The following DSCAM variants were observed in gnomAD, a reference collection of about 807,000 sequenced individuals.
DSCAM encodes the protein DS cell adhesion molecule.
Under a neutral mutation model 217.7 loss-of-function variants are expected in DSCAM, and 47 were observed. The ratio of observed to expected loss-of-function variants is 0.22; its 90% CI spans 0.17 to 0.28. DSCAM has a LOEUF of 0.28. Among genes scored for constraint, DSCAM ranks in the 10% least tolerant of loss-of-function variants. The pLI is 1.00. For missense variants in DSCAM, 2,080 were observed against 2,618.3 expected (o/e 0.79, Z 4.49); for synonymous variants, 1,056 against 1,015.3 (o/e 1.04, Z -0.76).
chr21:40,174,797 T>C (rs1315863639), intron 15 of DSCAM, among the ~76,000 whole-genome samples: 6 of 152,178 alleles, frequency 3.9e-5, no homozygotes, highest in African/African-American at 1.4e-4. Flanking sequence ...AATTTAAAAG[T>C]TTCGCACAAC....
intron 3 of DSCAM, among the ~76,000 whole-genome samples, chr21:40,613,895 A>C (rs1470801696): frequency 6.6e-6 from 1 of 152,230 alleles, no homozygotes; most frequent in African/African-American, 2.4e-5. Flanking sequence ...CTTGTATTTA[A>C]CAAATATGGG....
intron 3 of DSCAM, among the ~76,000 whole-genome samples, chr21:40,388,107 A>G (rs2075102926): frequency 6.7e-6 from 1 of 149,914 alleles, no homozygotes; most frequent in Non-Finnish European, 1.5e-5. Flanking sequence ...AATATTTGGG[A>G]AAACAATTTG....
At chr21:40,380,829 C>T (rs1183866059) in intron 3 of DSCAM, among the ~76,000 whole-genome samples, 15 of 151,904 alleles carry the variant, frequency 9.9e-5, no homozygotes, top group East Asian at 7.8e-4. Flanking sequence ...TTTGGGAGGC[C>T]GAGGCGGGCG....
chr21:40,069,886 T>TA (rs938416648), intron 27 of DSCAM, among the ~76,000 whole-genome samples: 2 of 151,924 alleles, frequency 1.3e-5, no homozygotes, highest in African/African-American at 4.8e-5. Flanking sequence ...AGACATATAT[T>TA]AAAAAAAGAA....
intron 1 of DSCAM, among the ~76,000 whole-genome samples, chr21:40,767,293 A>G (rs746911263): frequency 6.6e-5 from 10 of 152,152 alleles, no homozygotes; most frequent in Non-Finnish European, 1.3e-4. Context: ...TCAATCTGAA[A>G]TAAGGGTCGT....
intron 11 of DSCAM, among the ~76,000 whole-genome samples, chr21:40,244,693 T>A (rs147735640): frequency 1.3e-5 from 2 of 152,068 alleles, no homozygotes; most frequent in South Asian, 4.1e-4. Context: ...AGGTAGGTAG[T>A]TAGGAGCTCT....
intron 11 of DSCAM, among the ~76,000 whole-genome samples, chr21:40,210,515 A>G (rs1382772787): frequency 6.6e-6 from 1 of 152,170 alleles, no homozygotes; most frequent in East Asian, 1.9e-4. Flanking sequence ...AGTTAACATT[A>G]TCCAGTAGAC....
chr21:40,131,749 C>T (rs1221044566), intron 19 of DSCAM, among the ~76,000 whole-genome samples: 2 of 152,142 alleles, frequency 1.3e-5, no homozygotes, highest in Non-Finnish European at 2.9e-5. Context: ...TGTCCCATAC[C>T]ACCAGCAAAA....
chr21:40,236,663 C>T (rs2073084074), intron 11 of DSCAM, among the ~76,000 whole-genome samples: 2 of 152,072 alleles, frequency 1.3e-5, no homozygotes, highest in Admixed American at 1.3e-4. Context: ...GGCATTAGTT[C>T]CCTCATCTTT....
chr21:40,380,186 C>T (rs2075005767), intron 3 of DSCAM, among the ~76,000 whole-genome samples: 1 of 152,198 alleles, frequency 6.6e-6, no homozygotes, highest in Non-Finnish European at 1.5e-5. Flanking sequence ...CAACTGTATA[C>T]CTAATTACCC....
At chr21:40,398,637 C>CTTTT (rs538905441) in intron 3 of DSCAM, among the ~76,000 whole-genome samples, 3 of 132,104 alleles carry the variant, frequency 2.3e-5, no homozygotes, top group Non-Finnish European at 3.2e-5. Flanking sequence ...TTTTTTCTTT[C>CTTTT]TTTTTTTTTT....
chr21:40,546,960 A>G (rs1185059660), intron 3 of DSCAM, among the ~76,000 whole-genome samples: 1 of 152,030 alleles, frequency 6.6e-6, no homozygotes, highest in East Asian at 1.9e-4. Flanking sequence ...GATACCCCCC[A>G]GTTATTGGGG....
chr21:40,840,022 A>G (rs993389187), intron 1 of DSCAM, among the ~76,000 whole-genome samples: 6 of 152,204 alleles, frequency 3.9e-5, no homozygotes, highest in Non-Finnish European at 5.9e-5. Context: ...CAGTTGCATG[A>G]TTTTTAAAAA....
Position 40,350,877 on chromosome 21 carries a change from C to CTTTTTTTTT in DSCAM, c.934+2579_934+2587dup, listed in dbSNP as rs10658416. 4.9e-4 allele frequency among the ~76,000 whole-genome samples: 31 copies of CTTTTTTTTT among 63,876 alleles called. 5 individuals carry two copies. The highest frequency in any genetic ancestry group is 1.8e-3 in the African/African-American group (28 of 15,416). 41.9% of individuals were successfully genotyped at this position (63,876 alleles called of 152,430 possible). A position where few individuals can be genotyped will look rare whatever the true frequency, so the allele number is the denominator to read the frequency against. The stretch of plus-strand genomic sequence containing the variant: ...AAAAGTGTTTAGCAAATAAGTCATA[C>CTTTTTTTTT]TTTTTTTTTTTTTTTTTTTTTTTTT... On this transcript the variant is annotated intron_variant, in intron 5 of 32. Transcript: ENST00000400454.
chr21:40,241,785 G>A (rs145714518), intron 11 of DSCAM, among the ~76,000 whole-genome samples: 22 of 152,266 alleles, frequency 1.4e-4, no homozygotes, highest in South Asian at 4.2e-4. Context: ...AGAAACTGCC[G>A]TATATATACA....
chr21:40,732,546 G>C (rs2091023479), intron 1 of DSCAM, among the ~76,000 whole-genome samples: 1 of 152,156 alleles, frequency 6.6e-6, no homozygotes, highest in African/African-American at 2.4e-5. Flanking sequence ...TGACTGATGT[G>C]GACAAGGTCC....
At chr21:40,610,815 G>C (rs1167744744) in intron 3 of DSCAM, among the ~76,000 whole-genome samples, 1 of 152,172 alleles carries the variant, frequency 6.6e-6, no homozygotes, top group Non-Finnish European at 1.5e-5. Flanking sequence ...CACTGGCTTA[G>C]AGTTAACAGC....
chr21:40,613,663 A>G (rs1211427931), intron 3 of DSCAM, among the ~76,000 whole-genome samples: 1 of 152,148 alleles, frequency 6.6e-6, no homozygotes, highest in African/African-American at 2.4e-5. Flanking sequence ...GAGCTATTAC[A>G]GCCCACTTTT....
chr21:40,098,437 G>A (rs896809776), intron 20 of DSCAM, among the ~76,000 whole-genome samples: 1 of 152,194 alleles, frequency 6.6e-6, no homozygotes, highest in Non-Finnish European at 1.5e-5. Context: ...TTCAGAGAAA[G>A]TAAGTGATTC....
Sources: gnomAD v4.1 joint callset for allele counts (sites outside exome capture counted in the v4.1 genomes callset) on GRCh38, gnomAD v4.1.1 for gene constraint, MANE v1.5 for transcripts, NCBI Gene and HGNC (gene_info 2026-07-23, HGNC 2026-07-21) for gene names.